Variants in FHDC1 observed in about 807,000 individuals in gnomAD.
The protein encoded by FHDC1 is FH2 domain containing 1.
Under a neutral mutation model 52.6 loss-of-function variants are expected in FHDC1, and 25 were observed. The ratio of observed to expected loss-of-function variants is 0.48; its 90% confidence interval spans 0.35 to 0.66. FHDC1 has a LOEUF of 0.66. FHDC1 is among the 30% of genes least tolerant of loss of function. FHDC1 has a pLI of 0.01. For missense variants in FHDC1, 1,459 were observed against 1,452.8 expected, an observed-to-expected ratio of 1.00 and a Z score of -0.07; for synonymous variants, 616 against 581.5, an observed-to-expected ratio of 1.06 and a Z score of -0.85.
Position 152,943,284 on chromosome 4 carries a change from C to G in FHDC1, c.227C>G (p.Pro76Arg), listed in dbSNP as rs753681688. 15 of 1,611,406 alleles carry G rather than the reference C, an allele frequency of 9.3e-6. No homozygotes were observed. The highest frequency in any genetic ancestry group is 1.3e-5 in the African/African-American group (1 of 74,658). Residue 76 changes from proline to arginine, a missense_variant, in exon 2 of 12, where the codon CCA (proline) becomes CGA (arginine). Around this residue, in one of 3 missense-constraint regions of FHDC1, gnomAD observed 513 missense variants for 581.5 expected, o/e 0.88. Coordinates refer to ENST00000511601, the MANE Select transcript of FHDC1 (RefSeq NM_001371116.1). The stretch of plus-strand genomic sequence containing the variant: ...GGGGAGCCTCCCATCCCACCTCCCC[C>G]ACCAGGCCTACCCCCAACTACTCAC... ...LPGEPPIPPP[P>R]PGLPPTTHMN...
the FHDC1 span, among the ~76,000 whole-genome samples, chr4:152,915,458 TG>T: frequency 6.6e-6 from 1 of 152,244 alleles, no homozygotes; most frequent in Non-Finnish European, 1.5e-5. Flanking sequence ...TATAAAAATT[TG>T]TTTTTTTGAT....
upstream of FHDC1, among the ~76,000 whole-genome samples, chr4:152,934,717 GAGA>G (rs1201034529): frequency 6.6e-6 from 1 of 152,172 alleles, no homozygotes; most frequent in Non-Finnish European, 1.5e-5. Context: ...GAGAAGCATA[GAGA>G]AGGCCTTAGG....
intron 10 of FHDC1, 134 bp downstream of exon 10, chr4:152,968,231 G>T: frequency 1.6e-6 from 1 of 627,964 alleles, no homozygotes; most frequent in Non-Finnish European, 2.8e-6. Context: ...TTAGTCAGAG[G>T]AACTTGGTAT....
At chr4:152,925,636 C>G in the FHDC1 span, among the ~76,000 whole-genome samples, 1,318 of 151,884 alleles carry the variant, frequency 8.7e-3, 9 homozygotes, top group Non-Finnish European at 0.013. Flanking sequence ...TGGACTGAGC[C>G]CACACTGAAT....
the FHDC1 span, among the ~76,000 whole-genome samples, chr4:152,924,016 T>C: frequency 4.0e-5 from 6 of 151,258 alleles, no homozygotes; most frequent in Non-Finnish European, 8.9e-5. Context: ...TGGGATCTAA[T>C]TAAACTAAAG....
In FHDC1 at chr4:152,975,113, C is replaced by CAGG; in HGVS notation, c.1829_1831dup (p.Glu610dup). On this transcript the variant is annotated inframe_insertion, in exon 12 of 12. Transcript: ENST00000511601. ...ACACAAACCTCAGGCCTCGGGGGGC[C>CAGG]AGGAGGAGGCCCCCAACCCACCCTC... 5.0e-6 allele frequency: 8 copies of CAGG among 1,612,706 alleles called. No individual in the cohort carries two copies. The highest frequency in any genetic ancestry group is 6.8e-6 in the Non-Finnish European group (8 of 1,179,992).
At chr4:152,938,452 C>A (rs1739469358) in intron 1 of FHDC1, among the ~76,000 whole-genome samples, 1 of 152,120 alleles carries the variant, frequency 6.6e-6, no homozygotes, top group Non-Finnish European at 1.5e-5. Context: ...GACTGACATT[C>A]TGTGTTTAAT....
At chr4:152,933,152 C>T (rs1363274179), upstream of FHDC1, among the ~76,000 whole-genome samples, 9 of 152,188 alleles carry the variant, frequency 5.9e-5, no homozygotes, top group East Asian at 1.7e-3. Flanking sequence ...GCCCACTGCT[C>T]AAGAGGCCTG....
At chr4:152,951,506 A>G (rs1739925899) in intron 2 of FHDC1, among the ~76,000 whole-genome samples, 1 of 152,116 alleles carries the variant, frequency 6.6e-6, no homozygotes, top group African/African-American at 2.4e-5. Context: ...TAGGTTAGTA[A>G]ATAATGTGAC....
chr4:152,953,453 T>C, intron 2 of FHDC1, 46 bp from the exon 3 acceptor site: 1 of 1,478,190 alleles, frequency 6.8e-7, no homozygotes, highest in African/African-American at 1.4e-5. Flanking sequence ...TCCATCTCTT[T>C]TTATTTGAAT....
At chr4:152,928,029 T>C in the FHDC1 span, 1 of 1,453,574 alleles carries the variant, frequency 6.9e-7, no homozygotes, top group Non-Finnish European at 9.7e-7. Flanking sequence ...AACACCTCCC[T>C]GAGTGGCTCC....
intron 8 of FHDC1, 140 bp downstream of exon 8, chr4:152,963,270 C>G: frequency 1.4e-6 from 1 of 696,510 alleles, no homozygotes; most frequent in Non-Finnish European, 2.4e-6. Context: ...TTTGTAGAAG[C>G]GCCATTAGCA....
At chr4:152,919,727 A>G in the FHDC1 span, among the ~76,000 whole-genome samples, 2 of 152,128 alleles carry the variant, frequency 1.3e-5, no homozygotes, top group Admixed American at 6.6e-5. Context: ...TTAGCAATTT[A>G]TATGACTTTA....
chr4:152,962,965 G>C, intron 7 of FHDC1, 58 bp from the exon 8 acceptor site: 1 of 1,504,270 alleles, frequency 6.6e-7, no homozygotes, highest in East Asian at 2.3e-5. Context: ...GTGTGTGTGT[G>C]TGTGTGTGTG....
At chr4:152,948,710 C>T (rs909704976) in intron 2 of FHDC1, among the ~76,000 whole-genome samples, 3 of 152,130 alleles carry the variant, frequency 2.0e-5, no homozygotes, top group Non-Finnish European at 1.5e-5. Flanking sequence ...CCCACCTCAG[C>T]CTCCCAATGT....
At chr4:152,952,384 G>A (rs975878343) in intron 2 of FHDC1, among the ~76,000 whole-genome samples, 58 of 152,014 alleles carry the variant, frequency 3.8e-4, no homozygotes, top group Admixed American at 3.9e-4. Context: ...TTAAATGTGG[G>A]TGATATTATT....
At chr4:152,937,943 C>G (rs905982697) in intron 1 of FHDC1, among the ~76,000 whole-genome samples, 2 of 152,152 alleles carry the variant, frequency 1.3e-5, no homozygotes, top group African/African-American at 4.8e-5. Flanking sequence ...AGGCTGCGGA[C>G]AGCTGTCTAA....
Position 152,976,223 on chromosome 4 carries a change from A to G in FHDC1, c.2932A>G (p.Arg978Gly), listed in dbSNP as rs533012767. The change falls in exon 12 of 12, where the codon AGG becomes GGG. Residue 978 changes from arginine (R) to glycine (G), a missense_variant. Around this residue, in one of 3 missense-constraint regions of FHDC1, gnomAD observed 939 missense variants for 854.5 expected, o/e 1.10. Coordinates refer to ENST00000511601, the MANE Select transcript of FHDC1 (RefSeq NM_001371116.1). Reference protein sequence around the residue: ...RPGRDVPLQPRGSFKKPSAKP... With the variant: ...RPGRDVPLQPGGSFKKPSAKP... ...GGGGAGGGACGTTCCCCTGCAGCCC[A>G]GGGGTTCTTTCAAGAAGCCCAGTGC... is the stretch of plus-strand genomic sequence containing the variant. 1.2e-6 allele frequency: 2 copies of G among 1,613,054 alleles called. No individual in the cohort carries two copies. The highest frequency in any genetic ancestry group is 1.3e-5 in the African/African-American group (1 of 75,046).
At chr4:152,946,771 C>T (rs1260305501) in intron 2 of FHDC1, among the ~76,000 whole-genome samples, 1 of 152,152 alleles carries the variant, frequency 6.6e-6, no homozygotes, top group Non-Finnish European at 1.5e-5. Flanking sequence ...TAACCTCCTA[C>T]AGAAACAGCC....
Sources: allele counts gnomAD v4.1 joint callset (sites outside exome capture counted in the v4.1 genomes callset), GRCh38; gene constraint gnomAD v4.1.1; regional missense constraint gnomAD v4.1.1; transcripts MANE v1.5; gene names NCBI Gene and HGNC (gene_info 2026-07-23, HGNC 2026-07-21).